The following SCFD2 variants were observed in gnomAD, a reference collection of about 807,000 sequenced individuals.
The protein encoded by SCFD2 is sec1 family domain-containing protein 2.
A neutral mutation model predicts 58.9 loss-of-function variants in SCFD2; 54 were observed. That is an observed-to-expected ratio of 0.92 (90% CI 0.74 to 1.15). The LOEUF is 1.15. SCFD2 is among the 50% of genes most tolerant of loss of function. The probability of loss-of-function intolerance (pLI) is 0.00; values close to 1 mark genes in which losing one functional copy is unlikely to be tolerated. For synonymous variants in SCFD2, 321 were observed against 335.9 expected (o/e 0.96, Z 0.49); for missense variants, 805 against 836.6 (o/e 0.96, Z 0.47).
chr4:53,181,059 G>T (rs184931550), intron 4 of SCFD2, among the ~76,000 whole-genome samples: 1 of 152,100 alleles, frequency 6.6e-6, no homozygotes, highest in Non-Finnish European at 1.5e-5. Flanking sequence ...ATTCACAGCC[G>T]AATTCCACCA....
At chr4:52,914,702 G>T (rs185104462) in intron 6 of SCFD2, among the ~76,000 whole-genome samples, 1 of 152,002 alleles carries the variant, frequency 6.6e-6, no homozygotes, top group African/African-American at 2.4e-5. Context: ...TAAATCAGAA[G>T]AAAAAATACT....
chr4:52,986,341 C>A (rs1721493351), intron 5 of SCFD2, among the ~76,000 whole-genome samples: 1 of 151,978 alleles, frequency 6.6e-6, no homozygotes, highest in Admixed American at 6.6e-5. Flanking sequence ...ACGTTTGTGG[C>A]TAATAATGAC....
At chr4:52,996,518 G>A (rs1017985744) in intron 5 of SCFD2, among the ~76,000 whole-genome samples, 1 of 152,210 alleles carries the variant, frequency 6.6e-6, no homozygotes, top group African/African-American at 2.4e-5. Flanking sequence ...TGTGTTTCAT[G>A]TTCATTTGGA....
intron 4 of SCFD2, among the ~76,000 whole-genome samples, chr4:53,247,525 G>A (rs1197312558): frequency 1.3e-5 from 2 of 152,152 alleles, no homozygotes; most frequent in African/African-American, 2.4e-5. Context: ...TAAAGAAAAT[G>A]TGATACATAT....
intron 2 of SCFD2, among the ~76,000 whole-genome samples, chr4:53,332,152 G>C (rs901563150): frequency 8.0e-5 from 12 of 150,528 alleles, no homozygotes; most frequent in Non-Finnish European, 1.5e-4. Flanking sequence ...ATTCACAGCC[G>C]AATTCTATCA....
At chr4:52,906,233 G>A (rs1435200032) in intron 7 of SCFD2, among the ~76,000 whole-genome samples, 2 of 152,196 alleles carry the variant, frequency 1.3e-5, no homozygotes, top group Non-Finnish European at 2.9e-5. Flanking sequence ...CTGGGAGAGG[G>A]CATATTGGCA....
At chr4:53,224,861 CTTTT>C (rs544634165) in intron 4 of SCFD2, among the ~76,000 whole-genome samples, 1 of 152,102 alleles carries the variant, frequency 6.6e-6, no homozygotes, top group African/African-American at 2.4e-5. Flanking sequence ...CTTTCTTCAC[CTTTT>C]TTTATTATTT....
At chr4:53,260,194 T>G in intron 4 of SCFD2, among the ~76,000 whole-genome samples, 1 of 152,188 alleles carries the variant, frequency 6.6e-6, no homozygotes, top group East Asian at 1.9e-4. Context: ...TTCAACTTCC[T>G]CTTTACAGAT....
At chr4:53,132,150 C>T (rs1725802051) in intron 5 of SCFD2, among the ~76,000 whole-genome samples, 1 of 152,124 alleles carries the variant, frequency 6.6e-6, no homozygotes, top group African/African-American at 2.4e-5. Context: ...AGTTAGCTAC[C>T]TCAATAGGAA....
chr4:53,184,437 C>A (rs891620549), intron 4 of SCFD2, among the ~76,000 whole-genome samples: 1 of 152,052 alleles, frequency 6.6e-6, no homozygotes, highest in Non-Finnish European at 1.5e-5. Flanking sequence ...TTTCGGACCA[C>A]AAAATGGATA....
intron 5 of SCFD2, among the ~76,000 whole-genome samples, chr4:52,971,429 A>G (rs1247068860): frequency 6.6e-6 from 1 of 152,254 alleles, no homozygotes; most frequent in African/African-American, 2.4e-5. Flanking sequence ...ATGGAAAATC[A>G]AATGAATGAA....
intron 2 of SCFD2, among the ~76,000 whole-genome samples, chr4:53,339,364 T>C (rs1352113795): frequency 1.3e-5 from 2 of 150,374 alleles, no homozygotes; most frequent in South Asian, 2.1e-4. Context: ...GTATATTACA[T>C]ATTATATATA....
At chr4:52,992,775 G>A (rs375342509) in intron 5 of SCFD2, among the ~76,000 whole-genome samples, 103 of 151,850 alleles carry the variant, frequency 6.8e-4, no homozygotes, top group African/African-American at 2.4e-3. Flanking sequence ...GTGAAGTGAA[G>A]CCCCCCCTCC....
At chr4:53,030,487 A>G (rs1722590185) in intron 5 of SCFD2, among the ~76,000 whole-genome samples, 2 of 151,572 alleles carry the variant, frequency 1.3e-5, no homozygotes, top group African/African-American at 2.4e-5. Flanking sequence ...CAGTGGCGCG[A>G]TCTCAGCTCA....
intron 5 of SCFD2, among the ~76,000 whole-genome samples, chr4:53,078,593 G>C (rs900358371): frequency 6.6e-6 from 1 of 152,118 alleles, no homozygotes; most frequent in African/African-American, 2.4e-5. Context: ...AATGTTCTAA[G>C]TGGTTCAAAT....
intron 1 of SCFD2, among the ~76,000 whole-genome samples, chr4:53,361,279 T>TA (rs1734541618): frequency 6.6e-6 from 1 of 152,244 alleles, no homozygotes; most frequent in Admixed American, 6.5e-5. Context: ...AACTAACTCT[T>TA]ATGCTTTTTT....
intron 5 of SCFD2, among the ~76,000 whole-genome samples, chr4:53,022,233 T>C (rs945494506): frequency 1.3e-5 from 2 of 152,154 alleles, no homozygotes; most frequent in African/African-American, 4.8e-5. Flanking sequence ...AAAAATGTTA[T>C]TTTCTCTTAC....
chr4:53,282,859 C>T (rs1731548224), intron 3 of SCFD2, among the ~76,000 whole-genome samples: 1 of 151,852 alleles, frequency 6.6e-6, no homozygotes, highest in East Asian at 1.9e-4. Flanking sequence ...AGTGAAAGAG[C>T]GATGGATGAG....
intron 8 of SCFD2, among the ~76,000 whole-genome samples, chr4:52,883,466 A>C (rs1414397709): frequency 6.6e-6 from 1 of 152,206 alleles, no homozygotes; most frequent in African/African-American, 2.4e-5. Flanking sequence ...GTCAAGGCTG[A>C]TCCTTAAGCT....
Sources: gnomAD v4.1 joint callset for allele counts (sites outside exome capture counted in the v4.1 genomes callset) on GRCh38, gnomAD v4.1.1 for gene constraint, MANE v1.5 for transcripts, NCBI Gene and HGNC (gene_info 2026-07-23, HGNC 2026-07-21) for gene names.